The following STXBP5 variants were observed in gnomAD, a reference collection of about 807,000 sequenced individuals.
The protein encoded by STXBP5 is syntaxin-binding protein 5.
A neutral mutation model predicts 152.4 loss-of-function variants in STXBP5; 50 were observed. The observed-to-expected ratio is 0.33, with a 90% CI of 0.26 to 0.42. STXBP5 has a LOEUF of 0.42. Ranked by LOEUF, STXBP5 falls within the 10% of genes least tolerant of loss-of-function variation. The probability of loss-of-function intolerance (pLI) is 1.00; values close to 1 mark genes in which losing one functional copy is unlikely to be tolerated. For synonymous variants in STXBP5, 492 were observed against 494.7 expected (o/e 0.99, Z 0.07); for missense variants, 1,167 against 1,388.6 (o/e 0.84, Z 2.54).
intron 9 of STXBP5, chr6:147,293,264 A>G (rs1458152276): frequency 1.3e-5 from 2 of 152,222 alleles, no homozygotes; most frequent in Admixed American, 6.5e-5. Context: ...TAAATGACGT[A>G]GTTATACTGT....
At chr6:147,270,567 A>G (rs1040938945) in intron 7 of STXBP5, among the ~76,000 whole-genome samples, 1 of 152,064 alleles carries the variant, frequency 6.6e-6, no homozygotes, top group African/African-American at 2.4e-5. Flanking sequence ...AAACACTTTT[A>G]TAGACATAAA....
chr6:147,299,079 AC>A (rs1233825088), intron 9 of STXBP5, among the ~76,000 whole-genome samples: 11 of 151,980 alleles, frequency 7.2e-5, no homozygotes, highest in Non-Finnish European at 1.2e-4. Flanking sequence ...TATCAATGAA[AC>A]ACAGTTTGTT....
rs573516267 is a variant in STXBP5, at chr6:147,315,008, G to A, written c.1402+372G>A. Among the ~76,000 whole-genome samples the A allele has an allele frequency of 3.2e-4, 48 of 151,826 alleles. 2 individuals are homozygous for A. The East Asian group carries it at 8.9e-3, about 28-fold the overall frequency. ...CATGTTGTCTTTGCGAAATAAATCT[G>A]GTGGTTACATAGTAGCAAAAAAAGA... On this transcript the variant is annotated intron_variant, in intron 14 of 27. Transcript: ENST00000321680.
chr6:147,288,116 A>C (rs980552674), intron 8 of STXBP5, among the ~76,000 whole-genome samples: 2 of 151,884 alleles, frequency 1.3e-5, no homozygotes, highest in African/African-American at 4.8e-5. Context: ...CCTGAGTTCC[A>C]TTTGCCTCAA....
rs542645761 is a variant in STXBP5, at chr6:147,347,994, A to G, written c.2255-5329A>G. ...AATGTATACTTTTCTGTATTATTTG[A>G]ATTCTTTATAATAAGAATGAATTAT... On this transcript the variant is annotated intron_variant, in intron 21 of 27. Coordinates refer to ENST00000321680, the MANE Select transcript of STXBP5 (RefSeq NM_001127715.4). Among the ~76,000 whole-genome samples, 3 of 152,316 alleles carry G rather than the reference A, an allele frequency of 2.0e-5. No homozygotes were observed. The South Asian group carries it at 6.2e-4, about 32-fold the overall frequency.
intron 2 of STXBP5, among the ~76,000 whole-genome samples, chr6:147,209,390 C>T (rs954272147): frequency 6.6e-6 from 1 of 151,860 alleles, no homozygotes; most frequent in Non-Finnish European, 1.5e-5. Flanking sequence ...ATTTTTTTAC[C>T]TTACAGTTGA....
rs1290908989 is a variant in STXBP5 at position 147,238,616 on chromosome 6, TTTAG to T, written c.331-551_331-548del. Among the ~76,000 whole-genome samples the T allele has an allele frequency of 2.6e-5, 4 of 152,308 alleles. 1 individual carries two copies. In the East Asian group the frequency reaches 7.7e-4, roughly 29 times the overall value. ...CTTTTCTTCCCTATAAATAATAATA[TTTAG>T]TTGTATCAGACATTTTAACATTCTA... On this transcript the variant is annotated intron_variant, in intron 3 of 27. Coordinates refer to ENST00000321680, the MANE Select transcript of STXBP5 (RefSeq NM_001127715.4).
At chr6:147,213,598 T>C (rs2115045957) in intron 2 of STXBP5, among the ~76,000 whole-genome samples, 1 of 152,170 alleles carries the variant, frequency 6.6e-6, no homozygotes, top group East Asian at 1.9e-4. Flanking sequence ...GATTATGAGC[T>C]ACTGTTCCCA....
chr6:147,305,385 G>A (rs1782037941), intron 9 of STXBP5, among the ~76,000 whole-genome samples: 1 of 152,020 alleles, frequency 6.6e-6, no homozygotes, highest in Admixed American at 6.5e-5. Context: ...TTTCCTCTCA[G>A]CCCTTCTATT....
At chr6:147,354,307 G>A (rs1013860970) in intron 22 of STXBP5, among the ~76,000 whole-genome samples, 4 of 152,122 alleles carry the variant, frequency 2.6e-5, no homozygotes, top group African/African-American at 9.7e-5. Flanking sequence ...TTATGAGTGA[G>A]TAGGCATACA....
intron 16 of STXBP5, among the ~76,000 whole-genome samples, chr6:147,320,195 T>C (rs1252799806): frequency 6.6e-6 from 1 of 152,132 alleles, no homozygotes; most frequent in African/African-American, 2.4e-5. Context: ...ACTAAAAATA[T>C]CACCTTAATT....
intron 16 of STXBP5, among the ~76,000 whole-genome samples, chr6:147,317,312 A>ATT (rs371746288): frequency 2.8e-4 from 43 of 152,328 alleles, no homozygotes; most frequent in African/African-American, 9.9e-4. Context: ...CACACCAAAG[A>ATT]TAAAACGGAT....
rs371298592 is a variant in STXBP5, at chr6:147,204,998, A to T, written c.150+316A>T. ...CCAGTAATAACCTGGAAGCTTTTAT[A>T]TTCAAGCGTTTTAATATGATTCACC... On this transcript the variant is annotated intron_variant, in intron 1 of 27. Transcript: ENST00000321680. The surrounding 1 kb of genome is among the most constrained non-coding windows in gnomAD (Gnocchi z 4.3). Among the ~76,000 whole-genome samples the T allele has an allele frequency of 6.6e-6, 1 of 152,130 alleles. No individual in the cohort carries two copies. Among genetic ancestry groups the T allele is most frequent in the Non-Finnish European group, 1.5e-5 (1 of 68,028 alleles).
At chr6:147,272,062 G>T (rs1041448676) in intron 7 of STXBP5, among the ~76,000 whole-genome samples, 8 of 152,054 alleles carry the variant, frequency 5.3e-5, no homozygotes, top group Non-Finnish European at 4.4e-5. Flanking sequence ...AAGTACCGAC[G>T]CTCACTCTGA....
chr6:147,240,167 C>T (rs534787713), intron 4 of STXBP5, among the ~76,000 whole-genome samples: 46 of 152,264 alleles, frequency 3.0e-4, no homozygotes, highest in African/African-American at 7.7e-4. Context: ...GTCTCGAACT[C>T]CTGACCTCAA....
At chr6:147,273,296 C>G (rs1309115498) in intron 7 of STXBP5, among the ~76,000 whole-genome samples, 2 of 151,700 alleles carry the variant, frequency 1.3e-5, no homozygotes, top group African/African-American at 2.4e-5. Flanking sequence ...CCCTGGAGTT[C>G]AAGGCAGCAG....
chr6:147,358,818 G>A (rs1488912835), intron 22 of STXBP5, among the ~76,000 whole-genome samples: 2 of 152,050 alleles, frequency 1.3e-5, no homozygotes, highest in African/African-American at 4.8e-5. Flanking sequence ...TTTTTCCATA[G>A]AGTAGACTGA....
intron 4 of STXBP5, among the ~76,000 whole-genome samples, chr6:147,246,931 C>T (rs1258218213): frequency 6.6e-6 from 1 of 152,038 alleles, no homozygotes; most frequent in East Asian, 1.9e-4. Context: ...TCAGATTTTC[C>T]CAGTATCGTA....
intron 16 of STXBP5, among the ~76,000 whole-genome samples, chr6:147,319,368 A>G (rs868591332): frequency 3.9e-5 from 6 of 152,204 alleles, no homozygotes; most frequent in Non-Finnish European, 7.3e-5. Context: ...CCAAAATTGT[A>G]GTATTAAAAT....
Sources: allele counts gnomAD v4.1 joint callset (sites outside exome capture counted in the v4.1 genomes callset), GRCh38; gene constraint gnomAD v4.1.1; non-coding constraint Gnocchi (gnomAD v3.1); transcripts MANE v1.5; gene names NCBI Gene and HGNC (gene_info 2026-07-23, HGNC 2026-07-21).